The following PROX1 variants were observed in gnomAD, a reference collection of about 807,000 sequenced individuals.
PROX1 encodes the protein prospero homeobox protein 1.
In PROX1, 7 loss-of-function variants were observed where a neutral mutation model predicts 58.8. The ratio of observed to expected loss-of-function variants is 0.12; its 90% CI spans 0.07 to 0.22. The LOEUF is 0.22. PROX1 is among the 10% of genes least tolerant of loss of function. PROX1 has a pLI of 1.00. For synonymous variants in PROX1, 350 were observed against 358.3 expected, an observed-to-expected ratio of 0.98 and a Z score of 0.26; for missense variants, 675 against 927.8, an observed-to-expected ratio of 0.73 and a Z score of 3.54.
At chr1:214,007,972 C>G (rs1252090085) in intron 3 of PROX1, among the ~76,000 whole-genome samples, 1 of 152,200 alleles carries the variant, frequency 6.6e-6, no homozygotes, top group Non-Finnish European at 1.5e-5. Context: ...TGAGGCTCTA[C>G]TTGGTCATGG....
chr1:214,027,845 C>G (rs1173480545), intron 4 of PROX1, among the ~76,000 whole-genome samples: 1 of 150,418 alleles, frequency 6.6e-6, no homozygotes, highest in Middle Eastern at 3.2e-3. Context: ...GAACATTGTT[C>G]TTTCGAAGCT....
Position 214,003,861 on chromosome 1 carries a change from CACGCTAG to C in PROX1, c.1726-1301_1726-1295del, listed in dbSNP as rs1244175084. Among the ~76,000 whole-genome samples, 5 of 152,300 alleles carry C rather than the reference CACGCTAG, an allele frequency of 3.3e-5. No homozygotes were observed. In the East Asian group the frequency reaches 9.7e-4, roughly 29 times the overall value. On this transcript the variant is annotated intron_variant, in intron 2 of 4. Coordinates refer to ENST00000366958, the MANE Select transcript of PROX1 (RefSeq NM_001270616.2). Reference sequence around the variant, plus strand: ...GTTTCCCTCCATTCTTAAGATTAGTCACGCTAGACTTGATGAAGGTCATTTGGAAAAT... The same window carrying C: ...GTTTCCCTCCATTCTTAAGATTAGTCACTTGATGAAGGTCATTTGGAAAAT...
intron 4 of PROX1, among the ~76,000 whole-genome samples, chr1:214,020,997 G>T (rs1257260832): frequency 1.3e-5 from 2 of 152,214 alleles, no homozygotes; most frequent in East Asian, 3.9e-4. Context: ...TATGCATGTT[G>T]CAAATATTAG....
rs139335331 is a variant in PROX1 at position 213,992,273 on chromosome 1, C to T, written c.-68+3790C>T. On this transcript the variant is annotated intron_variant, in intron 1 of 4. Transcript: ENST00000366958. ...CAGGAAATTTAAAAACCTGATAACGCAATCTTAGTTAATTTAGGTATTAAC... is the reference window on the plus strand; with the variant it reads ...CAGGAAATTTAAAAACCTGATAACGTAATCTTAGTTAATTTAGGTATTAAC... 6.1e-3 allele frequency among the ~76,000 whole-genome samples: 922 copies of T among 152,186 alleles called. 11 individuals carry two copies. Among genetic ancestry groups the T allele is most frequent in the African/African-American group, 0.022 (893 of 41,528 alleles).
chr1:214,019,911 C>T (rs1369665485), intron 4 of PROX1, among the ~76,000 whole-genome samples: 6 of 152,136 alleles, frequency 3.9e-5, no homozygotes, highest in Non-Finnish European at 8.8e-5. Flanking sequence ...CCCCATTTTC[C>T]TCGACTTCTG....
intron 4 of PROX1, among the ~76,000 whole-genome samples, chr1:214,022,592 TG>T (rs930840098): frequency 6.6e-6 from 1 of 152,194 alleles, no homozygotes; most frequent in African/African-American, 2.4e-5. Context: ...TCCAGGACTC[TG>T]GGGTCATCCG....
Position 214,039,748 on chromosome 1 carries a change from A to G in PROX1, c.*3914A>G, listed in dbSNP as rs1664947598. On this transcript the variant is annotated 3_prime_UTR_variant, in exon 5 of 5. Coordinates refer to ENST00000366958, the MANE Select transcript of PROX1 (RefSeq NM_001270616.2). ...TTATGAAATTTCTTTTTCTATGTAC[A>G]TGAAGACATTTAGTAAGTAACACCC... The G allele has an allele frequency of 1.3e-5, 2 of 152,136 alleles. No individual in the cohort carries two copies. Among genetic ancestry groups the G allele is most frequent in the Admixed American group, 1.3e-4 (2 of 15,268 alleles). 9.4% of individuals were successfully genotyped at this position (152,136 alleles called of 1,614,324 possible).
intron 4 of PROX1, among the ~76,000 whole-genome samples, chr1:214,031,339 T>G (rs887482030): frequency 3.9e-5 from 6 of 152,094 alleles, no homozygotes; most frequent in African/African-American, 1.4e-4. Context: ...GGGATGCCTT[T>G]TTATCAAAAC....
intron 2 of PROX1, 127 bp downstream of exon 2, chr1:213,998,387 C>G: frequency 1.7e-6 from 2 of 1,166,100 alleles, no homozygotes; most frequent in Non-Finnish European, 2.3e-6. Flanking sequence ...TCCCATTATT[C>G]AAAGGAATAG....
intron 1 of PROX1, chr1:213,989,687 C>G (rs1052981435): frequency 6.5e-6 from 1 of 152,700 alleles, no homozygotes; most frequent in Admixed American, 6.5e-5. Context: ...TCCAGTTTAG[C>G]AAGTTGTTGA....
At chr1:214,030,817 TATG>T (rs1664623135) in intron 4 of PROX1, 1 of 152,356 alleles carries the variant, frequency 6.6e-6, no homozygotes, top group East Asian at 1.9e-4. Context: ...TCCTGACACT[TATG>T]ATGAGTATCT....
chr1:213,997,669 G>T lies in PROX1; in HGVS notation c.1134G>T (p.Gln378His). The T allele has an allele frequency of 6.2e-7, 1 of 1,614,198 alleles. No individual in the cohort carries two copies. The highest frequency in any genetic ancestry group is 8.5e-7 in the Non-Finnish European group (1 of 1,180,034). ...VKVFSAKPSR[Q>H]VPQVFPPLQI... is the part of the protein sequence containing the mutation. The stretch of plus-strand genomic sequence containing the variant: ...TCTTTTCGGCCAAGCCCTCCCGCCA[G>T]GTTCCTCAGGTCTTCCCACCTCTCC... The change falls in exon 2 of 5, where the codon CAG (glutamine) becomes CAT (histidine). Residue 378 changes from glutamine to histidine, a missense_variant. Physicochemically the swap from Gln to His is conservative, Grantham distance 24. This residue lies in a region of PROX1 where 403 missense variants were observed against 477.4 expected (regional missense o/e 0.84). Transcript: ENST00000366958. The surrounding 1 kb of genome is among the most constrained non-coding windows in gnomAD (Gnocchi z 7.1).
At chr1:213,996,252 G>T (rs1472583425) in intron 1 of PROX1, among the ~76,000 whole-genome samples, 3 of 151,950 alleles carry the variant, frequency 2.0e-5, no homozygotes, top group Non-Finnish European at 4.4e-5. Context: ...AGCAGTTTTT[G>T]CTTAATTTTT....
chr1:214,002,827 G>C (rs1663572126), intron 2 of PROX1, among the ~76,000 whole-genome samples: 1 of 151,696 alleles, frequency 6.6e-6, no homozygotes, highest in Non-Finnish European at 1.5e-5. Flanking sequence ...ATTTTGAGGA[G>C]AAAAAAAGGA....
At chr1:214,019,668 G>C (rs1664213683) in intron 4 of PROX1, among the ~76,000 whole-genome samples, 1 of 152,298 alleles carries the variant, frequency 6.6e-6, no homozygotes, top group African/African-American at 2.4e-5. Context: ...CTTGTGTACA[G>C]TCTGGTCTGT....
In PROX1 at chr1:214,035,899, T is replaced by G. The variant is rs1480540144; in HGVS notation, c.*65T>G. On this transcript the variant is annotated 3_prime_UTR_variant, in exon 5 of 5. Coordinates refer to ENST00000366958, the MANE Select transcript of PROX1 (RefSeq NM_001270616.2). ...GTCCCCTTTGGATGTCCAAGTTATA[T>G]GTGTCTAGATTTTGATTTCATATAT... The G allele has an allele frequency of 1.4e-6, 2 of 1,418,752 alleles. No homozygotes were observed. The highest frequency in any genetic ancestry group is 1.9e-6 in the Non-Finnish European group (2 of 1,048,090). 87.9% of individuals were successfully genotyped at this position (1,418,752 alleles called of 1,614,324 possible).
intron 2 of PROX1, among the ~76,000 whole-genome samples, chr1:214,002,397 TTTTTTTTCTTTTTTC>T (rs1192583768): frequency 7.0e-6 from 1 of 143,412 alleles, no homozygotes; most frequent in East Asian, 2.0e-4. Context: ...ATCTTTTCTT[TTTTTTTTCTTTTTTC>T]TTTTTTTTTT....
At chr1:214,010,831 G>A (rs1380699744) in intron 3 of PROX1, among the ~76,000 whole-genome samples, 5 of 152,198 alleles carry the variant, frequency 3.3e-5, no homozygotes, top group Non-Finnish European at 5.9e-5. Flanking sequence ...AAATGGCAGA[G>A]ATACCAAGGG....
At chr1:213,990,659 C>CGTGTGTGTGTGTGTGTGTGTGT in intron 1 of PROX1, among the ~76,000 whole-genome samples, 1 of 136,020 alleles carries the variant, frequency 7.4e-6, no homozygotes. Context: ...AGAGAACTGT[C>CGTGTGTGTGTGTGTGTGTGTGT]GTGTGTGTGT....
Sources: allele counts gnomAD v4.1 joint callset (sites outside exome capture counted in the v4.1 genomes callset), GRCh38; gene constraint gnomAD v4.1.1; regional missense constraint gnomAD v4.1.1; non-coding constraint Gnocchi (gnomAD v3.1); transcripts MANE v1.5; gene names NCBI Gene and HGNC (gene_info 2026-07-23, HGNC 2026-07-21).